PRR12: variants seen among roughly 807,000 people sequenced by gnomAD.
The protein encoded by PRR12 is proline rich 12.
A neutral mutation model predicts 138.0 loss-of-function variants in PRR12; 12 were observed. That is an observed-to-expected ratio of 0.09 (90% CI 0.06 to 0.14). The LOEUF (loss-of-function observed/expected upper bound fraction) is 0.14. Among genes scored for constraint, PRR12 ranks in the 10% least tolerant of loss-of-function variants. PRR12 has a pLI of 1.00. For synonymous variants in PRR12, 1,567 were observed against 1,291.7 expected, an observed-to-expected ratio of 1.21 and a Z score of -4.57; for missense variants, 2,692 against 2,861.3, an observed-to-expected ratio of 0.94 and a Z score of 1.35.
Position 49,596,674 on chromosome 19 carries a change from GCCTCCTTCTGGAGGCCGGGGGCCCTGA to G in PRR12, c.2345_2371del (p.Leu782_Leu790del). 6.2e-7 allele frequency: 1 copy of G among 1,604,388 alleles called. No individual in the cohort carries two copies. Among genetic ancestry groups the G allele is most frequent in the Non-Finnish European group, 8.5e-7 (1 of 1,178,422 alleles). ...CAGTCTACCCAGCCCACTCCCCATGGCCTCCTTCTGGAGGCCGGGGGCCCTGACCTCCCACTGGTGCTGCCTCCGCCT... is the reference window on the plus strand; with the variant it reads ...CAGTCTACCCAGCCCACTCCCCATGGCCTCCCACTGGTGCTGCCTCCGCCT... On this transcript the variant is annotated inframe_deletion, in exon 4 of 14. Transcript: ENST00000418929. The surrounding 1 kb of genome is among the most constrained non-coding windows in gnomAD (Gnocchi z 5.6).
rs1303177817 is a variant in PRR12, at chr19:49,596,612, C to T, written c.2277C>T (p.Phe759=). 6.9e-6 allele frequency: 11 copies of T among 1,593,860 alleles called. No individual in the cohort carries two copies. The highest frequency in any genetic ancestry group is 9.4e-6 in the Non-Finnish European group (11 of 1,170,882). The change falls in exon 4 of 14, where the codon TTC becomes TTT. Residue 759 remains phenylalanine (F), a synonymous_variant. Coordinates refer to ENST00000418929, the MANE Select transcript of PRR12 (RefSeq NM_020719.3). This position sits in a 1 kb window ranked among gnomAD's most constrained non-coding sequence, Gnocchi z 5.6. ...CAGGCGCCAAGGAGCTGGGGGCCTTCTTGCAAAAGAGCCCTCCGCCCCCAC... is the reference window on the plus strand; with the variant it reads ...CAGGCGCCAAGGAGCTGGGGGCCTTTTTGCAAAAGAGCCCTCCGCCCCCAC... ...YGAGAKELGA[F]LQKSPPPPPP...
chr19:49,614,826 C>G lies in PRR12; in HGVS notation c.4891-50C>G, dbSNP rs1368059311. ...CCCAGGGCACGGGGGTGTTGGCCAT[C>G]TGGCTGGGCAGTGTGAAGAATTTCC... On this transcript the variant is annotated intron_variant, in intron 7 of 13. Coordinates refer to ENST00000418929, the MANE Select transcript of PRR12 (RefSeq NM_020719.3). This position sits in a 1 kb window ranked among gnomAD's most constrained non-coding sequence, Gnocchi z 5.0. 1.2e-6 allele frequency: 2 copies of G among 1,612,546 alleles called. No homozygotes were observed. The highest frequency in any genetic ancestry group is 1.7e-6 in the Non-Finnish European group (2 of 1,178,916).
In PRR12 at chr19:49,625,622, G is replaced by A. The variant is rs751583157; in HGVS notation, c.*15G>A. 1 of 1,588,568 alleles carries A rather than the reference G, an allele frequency of 6.3e-7. No homozygotes were observed. Among genetic ancestry groups the A allele is most frequent in the South Asian group, 1.1e-5 (1 of 88,898 alleles). On this transcript the variant is annotated 3_prime_UTR_variant, in exon 14 of 14. Coordinates refer to ENST00000418929, the MANE Select transcript of PRR12 (RefSeq NM_020719.3). The surrounding 1 kb of genome is among the most constrained non-coding windows in gnomAD (Gnocchi z 5.5). ...GCTGCGGGTGACCCCGCCCCAGCTT[G>A]TGAGGGGGGCGCCTCCTCCATGAAC...
chr19:49,615,231 G>GGGGGAACAGAGACCCAGAGGT, intron 8 of PRR12, among the ~76,000 whole-genome samples: 1 of 150,708 alleles, frequency 6.6e-6, no homozygotes, highest in African/African-American at 2.4e-5. Flanking sequence ...ACCCAGAGGT[G>GGGGGAACAGAGACCCAGAGGT]GGGGGACAGA....
At chr19:49,622,936 GAGAGAGAGAGAGAGAGAGAGAA>G (rs1188471976) in intron 11 of PRR12, among the ~76,000 whole-genome samples, 30 of 99,804 alleles carry the variant, frequency 3.0e-4, no homozygotes, top group Non-Finnish European at 4.7e-4. Context: ...TATAGAGAGA[GAGAGAGAGAGAGAGAGAGAGAA>G]AGAGAGAGAG....
At position 49,591,394 on chromosome 19, in the gene PRR12, C is replaced by T. The variant is rs2080724138; in HGVS notation, c.-261C>T. Among the ~76,000 whole-genome samples, 2 of 149,286 alleles carry T rather than the reference C, an allele frequency of 1.3e-5. No individual in the cohort carries two copies. Among genetic ancestry groups the T allele is most frequent in the Non-Finnish European group, 3.0e-5 (2 of 66,812 alleles). On this transcript the variant is annotated 5_prime_UTR_variant, in exon 1 of 14. Coordinates refer to ENST00000418929, the MANE Select transcript of PRR12 (RefSeq NM_020719.3). ...AGCGGGGTCCCTCCTCCCCCCTTCC[C>T]TCCTCTAGGGGGAACCCCCCTTCCC...
At chr19:49,600,706 T>C (rs947123098) in intron 5 of PRR12, among the ~76,000 whole-genome samples, 1 of 151,780 alleles carries the variant, frequency 6.6e-6, no homozygotes, top group Non-Finnish European at 1.5e-5. Flanking sequence ...TCTTTTTTTT[T>C]TTTCTTGAGA....
Position 49,601,669 on chromosome 19 carries a change from C to T in PRR12, c.4524C>T (p.Ala1508=), listed in dbSNP as rs1412098099. The T allele has an allele frequency of 6.5e-7, 1 of 1,538,126 alleles. No homozygotes were observed. Residue 1508 remains alanine (A), a synonymous_variant, in exon 6 of 14, where the codon GCC becomes GCT. Transcript: ENST00000418929. ...PPPLPPPPPP[A]MPSPPPPPPP... ...CGCTGCCGCCGCCACCTCCACCAGCCATGCCCTCGCCTCCACCACCACCCC... is the reference window on the plus strand; with the variant it reads ...CGCTGCCGCCGCCACCTCCACCAGCTATGCCCTCGCCTCCACCACCACCCC...
At position 49,599,963 on chromosome 19, in the gene PRR12, G is replaced by T. The variant is rs774451289; in HGVS notation, c.4345+25G>T. 3 of 1,562,284 alleles carry T rather than the reference G, an allele frequency of 1.9e-6. No individual in the cohort carries two copies. Among genetic ancestry groups the T allele is most frequent in the Middle Eastern group, 1.7e-4 (1 of 5,822 alleles). ...GGTGAGCTCTGGGCAGGTGGTCTGG[G>T]AGTAGAGCTTAAAGGTTATTATGAT... On this transcript the variant is annotated intron_variant, in intron 5 of 13. Transcript: ENST00000418929. The surrounding 1 kb of genome is among the most constrained non-coding windows in gnomAD (Gnocchi z 5.0).
At chr19:49,624,758 C>T (rs1307054499) in intron 11 of PRR12, 86 bp from the exon 12 acceptor site, 1 of 1,538,698 alleles carries the variant, frequency 6.5e-7, no homozygotes, top group Non-Finnish European at 8.8e-7. Flanking sequence ...CTGGGGGAAA[C>T]TGAGGCACAG....
chr19:49,606,575 C>T (rs1268700111), intron 6 of PRR12, among the ~76,000 whole-genome samples: 2 of 151,680 alleles, frequency 1.3e-5, no homozygotes, highest in Admixed American at 6.6e-5. Context: ...CAACCTTGGC[C>T]TCCCAAAGTG....
chr19:49,623,237 G>A (rs907947379), intron 11 of PRR12, among the ~76,000 whole-genome samples: 18 of 152,104 alleles, frequency 1.2e-4, no homozygotes, highest in African/African-American at 3.1e-4. Context: ...TGGCACTGAG[G>A]ATTGTGGGTG....
intron 6 of PRR12, 33 bp downstream of exon 6, chr19:49,601,951 G>A (rs1461109161): frequency 2.5e-6 from 4 of 1,596,624 alleles, no homozygotes; most frequent in South Asian, 1.1e-5. Flanking sequence ...AACTGGGCCT[G>A]ATGGGTTTGG....
In PRR12 at chr19:49,625,770, T is replaced by TC. The variant is rs1406328934; in HGVS notation, c.*170dup. ...TCCAGGGCAGGGTTCAAAGTCCGAC[T>TC]CCCCCCCTCTCCCAAGCCCCCTCCA... On this transcript the variant is annotated 3_prime_UTR_variant, in exon 14 of 14. Coordinates refer to ENST00000418929, the MANE Select transcript of PRR12 (RefSeq NM_020719.3). The surrounding 1 kb of genome is among the most constrained non-coding windows in gnomAD (Gnocchi z 5.5). 5.1e-6 allele frequency: 4 copies of TC among 788,848 alleles called. No homozygotes were observed. Among genetic ancestry groups the TC allele is most frequent in the South Asian group, 6.1e-5 (2 of 32,890 alleles). 48.9% of individuals were successfully genotyped at this position (788,848 alleles called of 1,614,324 possible).
At chr19:49,617,240 T>C (rs1160031727) in intron 9 of PRR12, among the ~76,000 whole-genome samples, 1 of 152,198 alleles carries the variant, frequency 6.6e-6, no homozygotes, top group Non-Finnish European at 1.5e-5. Flanking sequence ...GAGTGTTTAC[T>C]ATGTACCAGA....
rs376203776 is a variant in PRR12 at position 49,615,749 on chromosome 19, G to A, written c.5027G>A (p.Arg1676His). Residue 1676 changes from arginine to histidine, a missense_variant and splice_region_variant, in exon 9 of 14, where the codon CGC becomes CAC. This residue lies in a region of PRR12 where 259 missense variants were observed against 265.1 expected (regional missense o/e 0.98). Coordinates refer to ENST00000418929, the MANE Select transcript of PRR12 (RefSeq NM_020719.3). ...GTCCCTTCTCTGTTCCCTTCTAGAC[G>A]CTCTGGGCAGGCCAAGAACCCCGTA... ...PWHRPPVPVR[R>H]SGQAKNPVSA... 1.6e-5 allele frequency: 26 copies of A among 1,611,728 alleles called. No homozygotes were observed. The highest frequency in any genetic ancestry group is 1.6e-4 in the East Asian group (7 of 44,842).
At position 49,597,817 on chromosome 19, in the gene PRR12, A is replaced by G. The variant is rs1213402461; in HGVS notation, c.3482A>G (p.Lys1161Arg). 1.9e-6 allele frequency: 3 copies of G among 1,543,660 alleles called. No homozygotes were observed. The highest frequency in any genetic ancestry group is 3.9e-5 in the Admixed American group (2 of 50,768). The stretch of plus-strand genomic sequence containing the variant: ...CGGCGCCGTGGCCGCAAGCCCACGA[A>G]GGCGAAACGTGATGGGCCACCCCGG... ...GPRRRGRKPT[K>R]AKRDGPPRPR... Residue 1161 changes from lysine to arginine, a missense_variant, in exon 4 of 14, where the codon AAG (lysine) becomes AGG (arginine). By Grantham distance (26) the Lys-to-Arg change is conservative. Around this residue, in one of 11 missense-constraint regions of PRR12, gnomAD observed 326 missense variants for 344.2 expected, o/e 0.95. Coordinates refer to ENST00000418929, the MANE Select transcript of PRR12 (RefSeq NM_020719.3). The surrounding 1 kb of genome is among the most constrained non-coding windows in gnomAD (Gnocchi z 6.3).
chr19:49,615,592 C>T (rs1826173275), intron 8 of PRR12, among the ~76,000 whole-genome samples, 155 bp from the exon 9 acceptor site: 1 of 142,654 alleles, frequency 7.0e-6, no homozygotes, highest in Non-Finnish European at 1.6e-5. Flanking sequence ...GGGAGGGGGT[C>T]AGAGTCCCAG....
intron 6 of PRR12, among the ~76,000 whole-genome samples, chr19:49,608,947 G>A (rs575442513): frequency 8.6e-4 from 131 of 152,190 alleles, no homozygotes; most frequent in African/African-American, 3.1e-3. Flanking sequence ...TCCTTCCCCC[G>A]TCTGTCAACT....
Sources: gnomAD v4.1 joint callset for allele counts (sites outside exome capture counted in the v4.1 genomes callset) on GRCh38, gnomAD v4.1.1 for gene constraint, gnomAD v4.1.1 regional missense constraint, Gnocchi (gnomAD v3.1) non-coding constraint, MANE v1.5 for transcripts, NCBI Gene and HGNC (gene_info 2026-07-23, HGNC 2026-07-21) for gene names.